The following WDR7 variants were observed in gnomAD, a reference collection of about 807,000 sequenced individuals.
The protein encoded by WDR7 is WD repeat domain 7, also known as WD repeat-containing protein 7.
WDR7 carries 46 observed loss-of-function variants against 169.4 expected under a neutral mutation model. That is an observed-to-expected ratio of 0.27 (90% CI 0.21 to 0.35). WDR7 has a LOEUF of 0.35. WDR7 is among the 10% of genes least tolerant of loss of function. The pLI is 1.00. For synonymous variants in WDR7, 612 were observed against 666.8 expected, an observed-to-expected ratio of 0.92 and a Z score of 1.27; for missense variants, 1,534 against 1,859.3, an observed-to-expected ratio of 0.83 and a Z score of 3.22.
intron 14 of WDR7, among the ~76,000 whole-genome samples, chr18:56,755,728 G>A (rs1407002665): frequency 6.6e-6 from 1 of 152,206 alleles, no homozygotes; most frequent in Non-Finnish European, 1.5e-5. Context: ...TTCCCATGTA[G>A]GGGGAAGAGT....
rs186913520 is a variant in WDR7, at chr18:56,828,032, C to T, written c.3304+11888C>T. Among the ~76,000 whole-genome samples the T allele has an allele frequency of 1.4e-3, 206 of 152,260 alleles. 1 individual carries two copies. Among genetic ancestry groups the T allele is most frequent in the African/African-American group, 4.7e-3 (196 of 41,562 alleles). On this transcript the variant is annotated intron_variant, in intron 20 of 27. Transcript: ENST00000254442. Reference sequence around the variant, plus strand: ...ATCCTTAAGTGATTTGCTTTAATAACATAAATGGTTGATAACTAACATCAT... The same window carrying T: ...ATCCTTAAGTGATTTGCTTTAATAATATAAATGGTTGATAACTAACATCAT...
In WDR7 at chr18:56,758,869, C is replaced by T. The variant is rs1021030792; in HGVS notation, c.2764C>T (p.Pro922Ser). 6.2e-7 allele frequency: 1 copy of T among 1,610,298 alleles called. No homozygotes were observed. The highest frequency in any genetic ancestry group is 8.5e-7 in the Non-Finnish European group (1 of 1,178,328). Residue 922 changes from proline (P) to serine (S), a missense_variant, in exon 16 of 28, where the codon CCT (proline) becomes TCT (serine). By Grantham distance (74) the Pro-to-Ser change is moderately conservative. Coordinates refer to ENST00000254442, the MANE Select transcript of WDR7 (RefSeq NM_015285.3). ...ATTTTTTTCTTCTTTTTTAAGGCCA[C>T]CTAGACCAAGCACCCCAGACCTTTC... is the stretch of plus-strand genomic sequence containing the variant. ...DHMKKGPTRP[P>S]RPSTPDLSKA...
chr18:56,675,093 A>G (rs1291338612), intron 2 of WDR7, among the ~76,000 whole-genome samples: 1 of 152,162 alleles, frequency 6.6e-6, no homozygotes, highest in Non-Finnish European at 1.5e-5. Flanking sequence ...CCGTTGTTTT[A>G]TATACTCACT....
intron 22 of WDR7, among the ~76,000 whole-genome samples, chr18:56,929,925 C>A (rs2046858122): frequency 6.6e-6 from 1 of 152,180 alleles, no homozygotes; most frequent in Non-Finnish European, 1.5e-5. Context: ...TACTAAGGAG[C>A]AGAAAAATTC....
chr18:56,999,069 T>C (rs987554470), intron 26 of WDR7, among the ~76,000 whole-genome samples: 12 of 152,198 alleles, frequency 7.9e-5, no homozygotes, highest in African/African-American at 2.9e-4. Flanking sequence ...GTCAGAGTTA[T>C]GAAAATATTT....
intron 1 of WDR7, among the ~76,000 whole-genome samples, chr18:56,658,186 C>T (rs951179060): frequency 2.0e-5 from 3 of 152,008 alleles, no homozygotes; most frequent in Admixed American, 6.6e-5. Context: ...TCACTGCAAC[C>T]TCTGCCTCCC....
chr18:56,944,446 A>G (rs2047075597), intron 25 of WDR7, among the ~76,000 whole-genome samples: 1 of 152,310 alleles, frequency 6.6e-6, no homozygotes, highest in Non-Finnish European at 1.5e-5. Flanking sequence ...CCGTTTATTA[A>G]TGATTTCATA....
At chr18:56,773,513 A>C (rs1387493611) in intron 16 of WDR7, among the ~76,000 whole-genome samples, 1 of 152,158 alleles carries the variant, frequency 6.6e-6, no homozygotes, top group African/African-American at 2.4e-5. Context: ...TTTTCTTGCC[A>C]ATATTGCATT....
intron 14 of WDR7, among the ~76,000 whole-genome samples, chr18:56,736,480 T>G (rs2026701298): frequency 6.6e-6 from 1 of 151,452 alleles, no homozygotes; most frequent in South Asian, 2.1e-4. Flanking sequence ...ATGGAAGAAA[T>G]TTGAAGACAG....
rs921426740 is a variant in WDR7 at position 56,749,373 on chromosome 18, AGT to A, written c.1990-7199_1990-7198del. ...GACTCAAAGTATTAATATCTATAGA[AGT>A]GTGTGTGTGTTTGTGTGTGTGTGTG... On this transcript the variant is annotated intron_variant, in intron 14 of 27. Coordinates refer to ENST00000254442, the MANE Select transcript of WDR7 (RefSeq NM_015285.3). Among the ~76,000 whole-genome samples, 7 of 127,058 alleles carry A rather than the reference AGT, an allele frequency of 5.5e-5. No individual in the cohort carries two copies. In the South Asian group the frequency reaches 7.7e-4, roughly 14 times the overall value. The allele number at this position is 127,058 out of a possible 152,430, so 83.4% of individuals were successfully genotyped here. A position where few individuals can be genotyped will look rare whatever the true frequency, so the allele number is the denominator to read the frequency against.
At chr18:57,017,310 T>C (rs1007010734) in intron 26 of WDR7, among the ~76,000 whole-genome samples, 24 of 152,226 alleles carry the variant, frequency 1.6e-4, no homozygotes, top group African/African-American at 5.8e-4. Flanking sequence ...TGCTTGCTCT[T>C]ACGAGACAGC....
At chr18:56,812,844 C>T (rs2044895494) in intron 19 of WDR7, among the ~76,000 whole-genome samples, 1 of 152,068 alleles carries the variant, frequency 6.6e-6, no homozygotes. Flanking sequence ...ATTTTTCCCA[C>T]TCAGTACACT....
intron 14 of WDR7, 52 bp from the exon 15 acceptor site, chr18:56,756,531 A>G (rs534326651): frequency 2.2e-6 from 3 of 1,379,376 alleles, no homozygotes; most frequent in East Asian, 2.5e-5. Flanking sequence ...TAATGAATGT[A>G]TGAAATTAAG....
At chr18:56,722,930 G>A (rs944384485) in intron 13 of WDR7, among the ~76,000 whole-genome samples, 19 of 151,942 alleles carry the variant, frequency 1.3e-4, no homozygotes, top group African/African-American at 3.4e-4. Flanking sequence ...TTACTCTGCC[G>A]GGAAATTAAT....
intron 21 of WDR7, among the ~76,000 whole-genome samples, chr18:56,900,109 TAA>T (rs1250441792): frequency 3.4e-5 from 5 of 147,832 alleles, no homozygotes; most frequent in Non-Finnish European, 7.5e-5. Flanking sequence ...TATATATATA[TAA>T]AATTGTTAAT....
chr18:56,983,934 A>G (rs1237460805), intron 26 of WDR7, among the ~76,000 whole-genome samples: 1 of 151,934 alleles, frequency 6.6e-6, no homozygotes, highest in African/African-American at 2.4e-5. Flanking sequence ...TTCTTTTTTC[A>G]TTTCTTTTAA....
intron 22 of WDR7, among the ~76,000 whole-genome samples, chr18:56,933,829 G>C (rs2046922938): frequency 6.6e-6 from 1 of 152,202 alleles, no homozygotes; most frequent in Non-Finnish European, 1.5e-5. Context: ...CAAAGGGCAT[G>C]AAATAACACA....
intron 21 of WDR7, among the ~76,000 whole-genome samples, chr18:56,893,787 C>T (rs1022139828): frequency 9.9e-5 from 15 of 152,074 alleles, no homozygotes; most frequent in African/African-American, 2.9e-4. Flanking sequence ...CTAGGCCCTT[C>T]GCACTACTTC....
chr18:57,003,962 A>C (rs1386968467), intron 26 of WDR7, among the ~76,000 whole-genome samples: 1 of 151,770 alleles, frequency 6.6e-6, no homozygotes, highest in African/African-American at 2.4e-5. Context: ...TATACCCTTC[A>C]CATTATATGT....
Sources: allele counts gnomAD v4.1 joint callset (sites outside exome capture counted in the v4.1 genomes callset), GRCh38; gene constraint gnomAD v4.1.1; transcripts MANE v1.5; gene names NCBI Gene and HGNC (gene_info 2026-07-23, HGNC 2026-07-21).